GEMIN5: variants seen among roughly 807,000 people sequenced by gnomAD.
GEMIN5 encodes the protein gem-associated protein 5.
Under a neutral mutation model 176.9 loss-of-function variants are expected in GEMIN5, and 124 were observed. The ratio of observed to expected loss-of-function variants is 0.70; its 90% CI spans 0.61 to 0.81. GEMIN5 has a LOEUF of 0.81. Among genes scored for constraint, GEMIN5 ranks in the 40% least tolerant of loss-of-function variants. The probability of loss-of-function intolerance (pLI) is 0.00; values close to 1 mark genes in which losing one functional copy is unlikely to be tolerated. For missense variants in GEMIN5, 1,843 were observed against 1,814.6 expected (o/e 1.02, Z -0.28); for synonymous variants, 673 against 665.2 (o/e 1.01, Z -0.18).
In GEMIN5 at chr5:154,887,666, C is replaced by CA. The variant is rs985122404; in HGVS notation, c.*543dup. ...CAACCTAAAATTCTGACAGGAGAGTCAACATGATGGTTAAGGCCTATTTCA... is the reference window on the plus strand; with the variant it reads ...CAACCTAAAATTCTGACAGGAGAGTCAAACATGATGGTTAAGGCCTATTTCA... On this transcript the variant is annotated 3_prime_UTR_variant, in exon 28 of 28. Transcript: ENST00000285873. 1 of 152,200 alleles carries CA rather than the reference C, an allele frequency of 6.6e-6. No homozygotes were observed. Among genetic ancestry groups the CA allele is most frequent in the African/African-American group, 2.4e-5 (1 of 41,424 alleles). The allele number at this position is 152,200 out of a possible 1,614,324, so 9.4% of individuals were successfully genotyped here.
At chr5:154,890,467 A>ATTTT (rs748573084) in intron 26 of GEMIN5, among the ~76,000 whole-genome samples, 4 of 138,168 alleles carry the variant, frequency 2.9e-5, no homozygotes, top group Non-Finnish European at 3.1e-5. Flanking sequence ...TTAAAATTTA[A>ATTTT]TTTTTTTTTT....
Position 154,938,179 on chromosome 5 carries a change from T to G in GEMIN5, c.-46A>C. The stretch of plus-strand genomic sequence containing the variant: ...AAGAGAAGCTGCCACAGCCGACCGC[T>G]CGTAGCCTCACGCCTTAGGTAGGGA... On this transcript the variant is annotated 5_prime_UTR_variant, in exon 1 of 28. Coordinates refer to ENST00000285873, the MANE Select transcript of GEMIN5 (RefSeq NM_015465.5). 1 of 1,312,730 alleles carries G rather than the reference T, an allele frequency of 7.6e-7. No homozygotes were observed. The highest frequency in any genetic ancestry group is 1.5e-5 in the African/African-American group (1 of 65,906). 81.3% of individuals were successfully genotyped at this position (1,312,730 alleles called of 1,614,324 possible).
At chr5:154,930,658 G>A (rs1009514085) in intron 5 of GEMIN5, among the ~76,000 whole-genome samples, 1 of 152,284 alleles carries the variant, frequency 6.6e-6, no homozygotes, top group African/African-American at 2.4e-5. Flanking sequence ...TCATAGAGCT[G>A]AAAGCAGAAT....
At chr5:154,897,419 G>C (rs1040053995) in intron 23 of GEMIN5, among the ~76,000 whole-genome samples, 1 of 152,214 alleles carries the variant, frequency 6.6e-6, no homozygotes, top group East Asian at 1.9e-4. Context: ...AAAAGGCAGT[G>C]GTATGTTACT....
rs1164579026 is a variant in GEMIN5 at position 154,887,752 on chromosome 5, A to C, written c.*458T>G. ...AAGGGTCTCCTCTTTCAAATTAAAT[A>C]TTATAAAAACAATTAAAAAAAGGTA... On this transcript the variant is annotated 3_prime_UTR_variant, in exon 28 of 28. Transcript: ENST00000285873. The C allele has an allele frequency of 6.5e-6, 1 of 153,668 alleles. No individual in the cohort carries two copies. The highest frequency in any genetic ancestry group is 2.4e-5 in the African/African-American group (1 of 41,470). 9.5% of individuals were successfully genotyped at this position (153,668 alleles called of 1,614,324 possible). A position where few individuals can be genotyped will look rare whatever the true frequency, so the allele number is the denominator to read the frequency against.
rs1764256295 is a variant in GEMIN5 at position 154,935,832 on chromosome 5, A to G, written c.509+9T>C. The G allele has an allele frequency of 1.3e-5, 21 of 1,591,586 alleles. No homozygotes were observed. Among genetic ancestry groups the G allele is most frequent in the Non-Finnish European group, 1.6e-5 (19 of 1,160,482 alleles). The stretch of plus-strand genomic sequence containing the variant: ...CAAAAATCATCAATACAGATGGCAT[A>G]GTACTTACCCAATGGCTACTAAATC... On this transcript the variant is annotated intron_variant, in intron 3 of 27. Transcript: ENST00000285873.
chr5:154,899,330 C>G lies in GEMIN5; in HGVS notation c.3015-20G>C, dbSNP rs1042821441. The stretch of plus-strand genomic sequence containing the variant: ...GCTTCCCTAAAGGCAAGAACAGACC[C>G]TTTAGCCAATCTGAAAAGGCTCCTC... On this transcript the variant is annotated intron_variant, in intron 21 of 27. Coordinates refer to ENST00000285873, the MANE Select transcript of GEMIN5 (RefSeq NM_015465.5). 3 of 1,587,762 alleles carry G rather than the reference C, an allele frequency of 1.9e-6. No homozygotes were observed. Among genetic ancestry groups the G allele is most frequent in the Non-Finnish European group, 2.6e-6 (3 of 1,166,172 alleles).
chr5:154,937,159 C>T lies in GEMIN5; in HGVS notation c.193G>A (p.Glu65Lys), dbSNP rs1217968555. The change falls in exon 2 of 28, where the codon GAA becomes AAA. Residue 65 changes from glutamate (E) to lysine (K), a missense_variant. By Grantham distance (56) the Glu-to-Lys change is moderately conservative. Coordinates refer to ENST00000285873, the MANE Select transcript of GEMIN5 (RefSeq NM_015465.5). ...RVIGELVGHT[E>K]RVSGFTFSHH... ...GAAAATGTGAAGCCAGAGACCCTTT[C>T]GGTGTGTCCCACCAACTCTCCTATG... 6.2e-7 allele frequency: 1 copy of T among 1,612,742 alleles called. No individual in the cohort carries two copies. The highest frequency in any genetic ancestry group is 1.1e-5 in the South Asian group (1 of 90,970).
chr5:154,912,671 A>G (rs1470131033), intron 14 of GEMIN5, among the ~76,000 whole-genome samples: 1 of 152,116 alleles, frequency 6.6e-6, no homozygotes. Context: ...AGAGTTAGCT[A>G]GCTCCTATCA....
intron 11 of GEMIN5, 126 bp from the exon 12 acceptor site, chr5:154,918,130 A>T: frequency 1.6e-6 from 1 of 627,086 alleles, no homozygotes; most frequent in Non-Finnish European, 2.8e-6. Flanking sequence ...TCTTGTAAAT[A>T]ATCTACATAA....
In GEMIN5 at chr5:154,892,368, G is replaced by A. The variant is rs1382538429; in HGVS notation, c.3760+19C>T. 2.5e-6 allele frequency: 4 copies of A among 1,603,820 alleles called. No individual in the cohort carries two copies. In the South Asian group the frequency reaches 4.4e-5, roughly 18 times the overall value. ...TTGTCCATTAAAGGGTGTGCCTCAG[G>A]CAGCAGGAAGTCACTTACCGTCAGG... is the stretch of plus-strand genomic sequence containing the variant. On this transcript the variant is annotated intron_variant, in intron 25 of 27. Transcript: ENST00000285873.
chr5:154,896,926 A>G (rs1446766661), intron 23 of GEMIN5, among the ~76,000 whole-genome samples: 1 of 152,256 alleles, frequency 6.6e-6, no homozygotes, highest in Non-Finnish European at 1.5e-5. Flanking sequence ...GTGTACTCCT[A>G]TAACAATATC....
chr5:154,889,232 A>G (rs1245700749), intron 27 of GEMIN5, 89 bp downstream of exon 27: 1 of 725,754 alleles, frequency 1.4e-6, no homozygotes, highest in Non-Finnish European at 2.5e-6. Context: ...AACTGAACAG[A>G]GAGGTAGCTG....
At position 154,935,824 on chromosome 5, in the gene GEMIN5, G is replaced by A; in HGVS notation, c.509+17C>T. The A allele has an allele frequency of 1.9e-6, 3 of 1,561,818 alleles. No individual in the cohort carries two copies. The highest frequency in any genetic ancestry group is 1.4e-5 in the African/African-American group (1 of 73,406). On this transcript the variant is annotated intron_variant, in intron 3 of 27. Transcript: ENST00000285873. ...TAAACAAACAAAAATCATCAATACA[G>A]ATGGCATAGTACTTACCCAATGGCT...
chr5:154,895,944 A>C (rs1763341219), intron 24 of GEMIN5, 148 bp downstream of exon 24: 1 of 796,922 alleles, frequency 1.3e-6, no homozygotes, highest in African/African-American at 1.7e-5. Flanking sequence ...GATTAGTCTA[A>C]AGGGATCTTT....
intron 15 of GEMIN5, among the ~76,000 whole-genome samples, chr5:154,909,325 T>C (rs1043392383): frequency 3.3e-5 from 5 of 151,854 alleles, no homozygotes; most frequent in Non-Finnish European, 7.4e-5. Context: ...AAGGAAGAGC[T>C]TGGCATCTAG....
Position 154,924,455 on chromosome 5 carries a change from C to T in GEMIN5, c.1379+14G>A, listed in dbSNP as rs764469366. On this transcript the variant is annotated intron_variant, in intron 9 of 27. Transcript: ENST00000285873. ...CCCCGGGCCACAATGGAAGAAGAAT[C>T]ACCCATTTCTTACTTGTTGGAGTAG... 16 of 1,550,590 alleles carry T rather than the reference C, an allele frequency of 1.0e-5. No homozygotes were observed. Among genetic ancestry groups the T allele is most frequent in the Non-Finnish European group, 1.4e-5 (16 of 1,123,994 alleles).
At chr5:154,925,749 A>C in intron 8 of GEMIN5, 113 bp downstream of exon 8, 1 of 638,566 alleles carries the variant, frequency 1.6e-6, no homozygotes, top group Admixed American at 2.9e-5. Context: ...AACTTCATTG[A>C]AAATACTTTA....
rs1190216662 is a variant in GEMIN5, at chr5:154,931,480, G to T, written c.759C>A (p.Ile253=). ...TACCTCGGCCTCTAGAACAGCTCCA[G>T]ATTCGAATGGTTTGATCTTTGCTTC... ...ATGSKDQTIR[I]WSCSRGRGVM... The change falls in exon 5 of 28, where the codon ATC becomes ATA. Residue 253 remains isoleucine, a synonymous_variant. Transcript: ENST00000285873. 6.2e-7 allele frequency: 1 copy of T among 1,612,662 alleles called. No individual in the cohort carries two copies. Among genetic ancestry groups the T allele is most frequent in the Admixed American group, 1.7e-5 (1 of 59,976 alleles).
Sources: gnomAD v4.1 joint callset for allele counts (sites outside exome capture counted in the v4.1 genomes callset) on GRCh38, gnomAD v4.1.1 for gene constraint, MANE v1.5 for transcripts, NCBI Gene and HGNC (gene_info 2026-07-23, HGNC 2026-07-21) for gene names.